The following ARHGAP15 variants were observed in gnomAD, a reference collection of about 807,000 sequenced individuals.
ARHGAP15 encodes the protein Rho GTPase activating protein 15, also known as rho GTPase-activating protein 15.
ARHGAP15 carries 51 observed loss-of-function variants against 63.7 expected under a neutral mutation model. That is an observed-to-expected ratio of 0.80 (90% confidence interval 0.64 to 1.01). ARHGAP15 has a LOEUF of 1.01. Among genes scored for constraint, ARHGAP15 ranks in the 50% least tolerant of loss-of-function variants. The probability of loss-of-function intolerance (pLI) is 0.00; values close to 1 mark genes in which losing one functional copy is unlikely to be tolerated. For synonymous variants in ARHGAP15, 191 were observed against 193.8 expected, an observed-to-expected ratio of 0.99 and a Z score of 0.12; for missense variants, 560 against 564.6, an observed-to-expected ratio of 0.99 and a Z score of 0.08.
At chr2:143,721,534 A>G (rs1344126945) in intron 13 of ARHGAP15, among the ~76,000 whole-genome samples, 1 of 152,224 alleles carries the variant, frequency 6.6e-6, no homozygotes, top group African/African-American at 2.4e-5. Context: ...TGCAAGAGCC[A>G]AAAGTGTCTG....
At chr2:143,191,126 T>A (rs189158436) in intron 2 of ARHGAP15, among the ~76,000 whole-genome samples, 2 of 152,320 alleles carry the variant, frequency 1.3e-5, no homozygotes, top group Non-Finnish European at 2.9e-5. Context: ...AAGGTCAGGT[T>A]TTTTTCTTTA....
chr2:143,185,076 T>C (rs1691388125), intron 2 of ARHGAP15, among the ~76,000 whole-genome samples: 1 of 152,158 alleles, frequency 6.6e-6, no homozygotes, highest in Non-Finnish European at 1.5e-5. Context: ...TAATTTCCTC[T>C]ATATAATATA....
intron 6 of ARHGAP15, among the ~76,000 whole-genome samples, chr2:143,318,396 C>T (rs1365317286): frequency 1.8e-4 from 28 of 151,668 alleles, no homozygotes; most frequent in Admixed American, 1.8e-3. Context: ...ATTATCATTT[C>T]CTGTTGATTT....
At chr2:143,249,123 T>C (rs1680003023) in intron 5 of ARHGAP15, among the ~76,000 whole-genome samples, 1 of 152,130 alleles carries the variant, frequency 6.6e-6, no homozygotes, top group East Asian at 1.9e-4. Context: ...AATAAAAACT[T>C]TTCACTGATC....
intron 2 of ARHGAP15, among the ~76,000 whole-genome samples, chr2:143,177,564 C>T (rs1025101721): frequency 3.3e-5 from 5 of 152,214 alleles, no homozygotes. Context: ...TCTGTACTTA[C>T]ACTCTCTGAC....
At chr2:143,560,152 A>G (rs934411037) in intron 11 of ARHGAP15, among the ~76,000 whole-genome samples, 3 of 152,222 alleles carry the variant, frequency 2.0e-5, no homozygotes, top group African/African-American at 7.2e-5. Context: ...TTGACTTACT[A>G]AATCAGTGGG....
At chr2:143,427,008 T>C (rs996486615) in intron 6 of ARHGAP15, among the ~76,000 whole-genome samples, 1 of 151,974 alleles carries the variant, frequency 6.6e-6, no homozygotes, top group Non-Finnish European at 1.5e-5. Context: ...TATTTCTCTA[T>C]AAGCATCTAA....
At chr2:143,598,936 T>A (rs981768866) in intron 11 of ARHGAP15, among the ~76,000 whole-genome samples, 2 of 151,774 alleles carry the variant, frequency 1.3e-5, no homozygotes, top group Non-Finnish European at 2.9e-5. Flanking sequence ...TGGTTTTTTT[T>A]TTTTAAAAAA....
chr2:143,329,047 C>A (rs1252523999), intron 6 of ARHGAP15, among the ~76,000 whole-genome samples: 1 of 152,130 alleles, frequency 6.6e-6, no homozygotes, highest in Non-Finnish European at 1.5e-5. Context: ...TAATGTTCTC[C>A]TTGATTTCTC....
intron 8 of ARHGAP15, among the ~76,000 whole-genome samples, chr2:143,466,930 T>A (rs1243525690): frequency 2.0e-5 from 3 of 151,928 alleles, no homozygotes; most frequent in Non-Finnish European, 4.4e-5. Context: ...CAAAAATGAG[T>A]AAAATTCATA....
intron 8 of ARHGAP15, among the ~76,000 whole-genome samples, chr2:143,471,029 GTATA>G: frequency 6.7e-6 from 1 of 148,178 alleles, no homozygotes; most frequent in Non-Finnish European, 1.5e-5. Context: ...GAATATGTGT[GTATA>G]TATGCACACA....
intron 13 of ARHGAP15, among the ~76,000 whole-genome samples, chr2:143,738,519 C>T (rs1302149988): frequency 6.6e-6 from 1 of 152,162 alleles, no homozygotes; most frequent in African/African-American, 2.4e-5. Context: ...TGAACAACTT[C>T]CGGGCCTCTC....
intron 6 of ARHGAP15, among the ~76,000 whole-genome samples, chr2:143,400,822 G>T (rs1410446426): frequency 2.0e-5 from 3 of 152,022 alleles, no homozygotes; most frequent in Admixed American, 6.6e-5. Flanking sequence ...CTATAGGGGA[G>T]TTGAGTAGAC....
At chr2:143,533,304 C>T (rs146323312) in intron 10 of ARHGAP15, 10 of 152,248 alleles carry the variant, frequency 6.6e-5, no homozygotes, top group South Asian at 2.1e-4. Context: ...CAAGAGAAGA[C>T]GTGTGAACCT....
intron 10 of ARHGAP15, among the ~76,000 whole-genome samples, chr2:143,553,158 A>C (rs924829463): frequency 6.6e-6 from 1 of 152,216 alleles, no homozygotes; most frequent in Non-Finnish European, 1.5e-5. Flanking sequence ...AGGGGAAAGC[A>C]AATCAACTCC....
intron 12 of ARHGAP15, among the ~76,000 whole-genome samples, chr2:143,667,967 G>A (rs544399117): frequency 6.6e-6 from 1 of 152,050 alleles, no homozygotes; most frequent in South Asian, 2.1e-4. Flanking sequence ...CAGCCTGGGT[G>A]ACAGAGCAAG....
Position 143,426,586 on chromosome 2 carries a change from C to G in ARHGAP15, c.475-9015C>G, listed in dbSNP as rs578027997. 1.4e-4 allele frequency among the ~76,000 whole-genome samples: 22 copies of G among 152,214 alleles called. 1 individual carries two copies. In the South Asian group the frequency reaches 2.7e-3, roughly 19 times the overall value. ...CAGCTCTGTCATCACATAGAAAGGT[C>G]TCTTTGGCAAAGTGTCGGAAACAAC... On this transcript the variant is annotated intron_variant, in intron 6 of 13. Transcript: ENST00000295095.
intron 1 of ARHGAP15, among the ~76,000 whole-genome samples, chr2:143,143,937 C>A (rs1210106748): frequency 6.6e-6 from 1 of 151,992 alleles, no homozygotes; most frequent in Non-Finnish European, 1.5e-5. Flanking sequence ...CTCCAGTAGG[C>A]CCCAATATGT....
At chr2:143,565,912 G>A (rs996162127) in intron 11 of ARHGAP15, among the ~76,000 whole-genome samples, 1 of 152,170 alleles carries the variant, frequency 6.6e-6, no homozygotes, top group Non-Finnish European at 1.5e-5. Flanking sequence ...TTCACACAAG[G>A]ATCCCTGTTG....
Sources: gnomAD v4.1 joint callset for allele counts (sites outside exome capture counted in the v4.1 genomes callset) on GRCh38, gnomAD v4.1.1 for gene constraint, MANE v1.5 for transcripts, NCBI Gene and HGNC (gene_info 2026-07-23, HGNC 2026-07-21) for gene names.